Variants in TTLL5 observed in about 807,000 individuals in gnomAD.
TTLL5 encodes the protein tubulin polyglutamylase TTLL5.
In TTLL5, 132 loss-of-function variants were observed where a neutral mutation model predicts 168.4. The observed-to-expected ratio is 0.78, with a 90% CI of 0.68 to 0.91. TTLL5 has a LOEUF of 0.91. TTLL5 is among the 40% of genes least tolerant of loss of function. TTLL5 has a pLI of 0.00. For synonymous variants in TTLL5, 546 were observed against 558.6 expected, an observed-to-expected ratio of 0.98 and a Z score of 0.32; for missense variants, 1,545 against 1,581.5, an observed-to-expected ratio of 0.98 and a Z score of 0.39.
At chr14:75,712,967 G>T (rs1887195474) in intron 9 of TTLL5, among the ~76,000 whole-genome samples, 1 of 152,076 alleles carries the variant, frequency 6.6e-6, no homozygotes, top group Admixed American at 6.6e-5. Context: ...AGTACCTAGG[G>T]TTTCAAATTT....
chr14:75,886,882 A>G, intron 30 of TTLL5: 1 of 1,457,048 alleles, frequency 6.9e-7, no homozygotes, highest in Admixed American at 2.6e-5. Flanking sequence ...AGGAGATTGA[A>G]GTTTGCCAGG....
chr14:75,790,302 G>C (rs1036634566), intron 26 of TTLL5, among the ~76,000 whole-genome samples: 5 of 152,092 alleles, frequency 3.3e-5, no homozygotes, highest in Non-Finnish European at 5.9e-5. Flanking sequence ...AATCGTGTAA[G>C]TCAATAAGAA....
intron 31 of TTLL5, among the ~76,000 whole-genome samples, chr14:75,935,575 A>G (rs190955034): frequency 6.6e-6 from 1 of 152,376 alleles, no homozygotes; most frequent in African/African-American, 2.4e-5. Context: ...CACACTAAAA[A>G]GATGTGTTGG....
chr14:75,815,342 A>T (rs1277945500), intron 27 of TTLL5, among the ~76,000 whole-genome samples: 1 of 152,212 alleles, frequency 6.6e-6, no homozygotes, highest in Non-Finnish European at 1.5e-5. Flanking sequence ...TCTCTCATTT[A>T]AGTAGCAGTC....
intron 30 of TTLL5, among the ~76,000 whole-genome samples, chr14:75,897,089 A>G (rs2032700164): frequency 6.6e-6 from 1 of 152,190 alleles, no homozygotes; most frequent in Non-Finnish European, 1.5e-5. Flanking sequence ...TTTGTTTTTA[A>G]TGCATCTTTG....
At chr14:75,896,024 G>C (rs1180076145) in intron 30 of TTLL5, among the ~76,000 whole-genome samples, 1 of 152,200 alleles carries the variant, frequency 6.6e-6, no homozygotes, top group East Asian at 1.9e-4. Flanking sequence ...CGGGGGAATA[G>C]ATAATATGCA....
intron 19 of TTLL5, among the ~76,000 whole-genome samples, chr14:75,765,064 G>A (rs1890881468): frequency 6.6e-6 from 1 of 152,140 alleles, no homozygotes; most frequent in South Asian, 2.1e-4. Flanking sequence ...TGAGTTTAAT[G>A]GAATCCTGAG....
intron 31 of TTLL5, among the ~76,000 whole-genome samples, chr14:75,943,596 A>G (rs2034678433): frequency 6.6e-6 from 1 of 152,216 alleles, no homozygotes; most frequent in South Asian, 2.1e-4. Context: ...AATCAAATGC[A>G]TGTTTTATCT....
chr14:75,770,696 C>A (rs891750637), intron 20 of TTLL5, among the ~76,000 whole-genome samples: 6 of 152,212 alleles, frequency 3.9e-5, no homozygotes, highest in Non-Finnish European at 5.9e-5. Context: ...TTATTTCCAG[C>A]CTAGGCCACC....
chr14:75,886,864 G>C, intron 30 of TTLL5: 1 of 1,496,990 alleles, frequency 6.7e-7, no homozygotes, highest in Non-Finnish European at 8.8e-7. Context: ...TATGGAGAAA[G>C]AAACCTGAGG....
intron 6 of TTLL5, among the ~76,000 whole-genome samples, chr14:75,692,692 C>T (rs573836544): frequency 3.3e-5 from 5 of 151,934 alleles, no homozygotes; most frequent in African/African-American, 7.3e-5. Flanking sequence ...GTATGGGGAG[C>T]GAGGCAGGGG....
intron 31 of TTLL5, among the ~76,000 whole-genome samples, chr14:75,930,400 G>A (rs997700843): frequency 1.3e-5 from 2 of 152,166 alleles, no homozygotes; most frequent in Non-Finnish European, 2.9e-5. Flanking sequence ...GTGCTAACGT[G>A]ACACTCAAAG....
intron 29 of TTLL5, among the ~76,000 whole-genome samples, chr14:75,872,793 C>G (rs1039806929): frequency 1.3e-5 from 2 of 151,710 alleles, no homozygotes; most frequent in African/African-American, 4.8e-5. Flanking sequence ...TGCCTGTAAT[C>G]CCAGCTACTC....
chr14:75,906,319 T>C (rs1003351151), intron 31 of TTLL5, among the ~76,000 whole-genome samples: 2 of 152,082 alleles, frequency 1.3e-5, no homozygotes, highest in African/African-American at 4.8e-5. Context: ...ATAAAACCCC[T>C]GATTGCTCCC....
Position 75,707,645 on chromosome 14 carries a change from C to T in TTLL5, c.678C>T (p.Leu226=). The T allele has an allele frequency of 6.2e-7, 1 of 1,607,944 alleles. No individual in the cohort carries two copies. The highest frequency in any genetic ancestry group is 8.5e-7 in the Non-Finnish European group (1 of 1,177,112). The change falls in exon 9 of 32, where the codon CTC becomes CTT. Residue 226 remains leucine, a synonymous_variant. Coordinates refer to ENST00000298832, the MANE Select transcript of TTLL5 (RefSeq NM_015072.5). ...TAGATTTCAAGTTTGACGTGCGCCT[C>T]TATGTGCTCGTGACTTCCTATGATC... The part of the protein sequence containing the change: ...LIDDFKFDVR[L]YVLVTSYDPL...
chr14:75,751,131 A>C (rs1049158565), intron 17 of TTLL5, among the ~76,000 whole-genome samples: 1 of 152,140 alleles, frequency 6.6e-6, no homozygotes, highest in Non-Finnish European at 1.5e-5. Flanking sequence ...TCACTTGCTC[A>C]CGTCTTCCAC....
At chr14:75,845,691 G>A (rs1896506574) in intron 28 of TTLL5, among the ~76,000 whole-genome samples, 1 of 152,184 alleles carries the variant, frequency 6.6e-6, no homozygotes, top group Non-Finnish European at 1.5e-5. Context: ...TGTAAATGAT[G>A]AAATTGTCTT....
intron 31 of TTLL5, among the ~76,000 whole-genome samples, chr14:75,906,182 T>C (rs1175282556): frequency 6.6e-6 from 1 of 152,228 alleles, no homozygotes; most frequent in Non-Finnish European, 1.5e-5. Flanking sequence ...TCACTTTAAC[T>C]TTCAAGCAAA....
intron 18 of TTLL5, among the ~76,000 whole-genome samples, chr14:75,755,981 C>G (rs1183243071): frequency 1.7e-4 from 25 of 146,376 alleles, no homozygotes; most frequent in African/African-American, 5.8e-4. Context: ...GGCCACCCCC[C>G]CACCGCCCCC....
Sources: gnomAD v4.1 joint callset for allele counts (sites outside exome capture counted in the v4.1 genomes callset) on GRCh38, gnomAD v4.1.1 for gene constraint, MANE v1.5 for transcripts, NCBI Gene and HGNC (gene_info 2026-07-23, HGNC 2026-07-21) for gene names.